KDM4C: variants seen among roughly 807,000 people sequenced by gnomAD.
KDM4C encodes the protein lysine-specific demethylase 4C.
In KDM4C, 81 loss-of-function variants were observed where a neutral mutation model predicts 129.3. The observed-to-expected ratio is 0.63, with a 90% CI of 0.52 to 0.75. The LOEUF is 0.75. Ranked by LOEUF, KDM4C falls within the 30% of genes least tolerant of loss-of-function variation. The pLI, the probability that KDM4C is intolerant of heterozygous loss-of-function variation, is 0.00. For missense variants in KDM4C, 1,457 were observed against 1,304.0 expected (o/e 1.12, Z -1.81); for synonymous variants, 573 against 456.1 (o/e 1.26, Z -3.26).
chr9:7,150,554 C>T (rs554552655), intron 19 of KDM4C, among the ~76,000 whole-genome samples: 4 of 152,226 alleles, frequency 2.6e-5, no homozygotes, highest in South Asian at 4.2e-4. Flanking sequence ...TCTGTTTTCT[C>T]AGTGCTGAGC....
intron 17 of KDM4C, among the ~76,000 whole-genome samples, chr9:7,087,516 A>G (rs1374720541): frequency 6.6e-6 from 1 of 152,158 alleles, no homozygotes; most frequent in Non-Finnish European, 1.5e-5. Flanking sequence ...TAAAACTTAG[A>G]GTCTTGTCAT....
rs372874408 is a variant in KDM4C at position 7,078,953 on chromosome 9, GT to G, written c.2425-24727del. Reference sequence around the variant, plus strand: ...AGTTTGCTTATACATCAGTGCCCAGGTTTTTATTGAGGGCTGATCACATAGG... The same window carrying G: ...AGTTTGCTTATACATCAGTGCCCAGGTTTTATTGAGGGCTGATCACATAGG... On this transcript the variant is annotated intron_variant, in intron 17 of 21. Transcript: ENST00000381309. Among the ~76,000 whole-genome samples the G allele has an allele frequency of 1.6e-3, 242 of 152,288 alleles. 1 individual carries two copies. The highest frequency in any genetic ancestry group is 4.8e-3 in the African/African-American group (198 of 41,572).
chr9:7,155,809 C>G (rs1253783648), intron 19 of KDM4C, among the ~76,000 whole-genome samples: 1 of 152,188 alleles, frequency 6.6e-6, no homozygotes, highest in Non-Finnish European at 1.5e-5. Flanking sequence ...AATAGTGTGG[C>G]AATAAACATA....
intron 3 of KDM4C, among the ~76,000 whole-genome samples, chr9:6,807,530 C>T (rs1433366312): frequency 1.8e-4 from 26 of 148,062 alleles, no homozygotes; most frequent in African/African-American, 6.0e-4. Flanking sequence ...GCCTCTGCCC[C>T]GCCGCCCCAT....
intron 18 of KDM4C, among the ~76,000 whole-genome samples, chr9:7,106,355 C>T (rs1837685900): frequency 6.6e-6 from 1 of 152,172 alleles, no homozygotes; most frequent in Non-Finnish European, 1.5e-5. Context: ...GTGTTCTCAA[C>T]CATGCATTGA....
At chr9:7,089,241 T>C (rs1158759229) in intron 17 of KDM4C, among the ~76,000 whole-genome samples, 2 of 143,452 alleles carry the variant, frequency 1.4e-5, no homozygotes, top group Non-Finnish European at 3.1e-5. Context: ...CACAGGTGTA[T>C]TTTATTTTAT....
At chr9:7,155,286 C>T (rs1843048910) in intron 19 of KDM4C, among the ~76,000 whole-genome samples, 1 of 152,146 alleles carries the variant, frequency 6.6e-6, no homozygotes, top group East Asian at 1.9e-4. Context: ...CAAGTTGTTG[C>T]ATTTCATAAA....
chr9:7,109,398 A>C (rs1320050410), intron 18 of KDM4C, among the ~76,000 whole-genome samples: 1 of 152,166 alleles, frequency 6.6e-6, no homozygotes, highest in Non-Finnish European at 1.5e-5. Flanking sequence ...ATCTCTCTCC[A>C]ACTTTCTAGA....
At position 6,792,439 on chromosome 9, in the gene KDM4C, A is replaced by G. The variant is rs112859028; in HGVS notation, c.-17-533A>G. On this transcript the variant is annotated intron_variant, in intron 1 of 21. Coordinates refer to ENST00000381309, the MANE Select transcript of KDM4C (RefSeq NM_015061.6). ...AGTCTCACCCTGTCACCCAGGCTGG[A>G]GTGCAGTGGCGAGATCTTGGCTCAC... Among the ~76,000 whole-genome samples, 365 of 152,000 alleles carry G rather than the reference A, an allele frequency of 2.4e-3. 1 individual carries two copies. Among genetic ancestry groups the G allele is most frequent in the African/African-American group, 8.5e-3 (352 of 41,462 alleles).
At chr9:6,830,698 C>A (rs2131311865) in intron 4 of KDM4C, among the ~76,000 whole-genome samples, 2 of 152,162 alleles carry the variant, frequency 1.3e-5, no homozygotes, top group Middle Eastern at 3.4e-3. Context: ...TGTGTATGAT[C>A]CAGAATTTTA....
At chr9:6,999,119 GAGTT>G (rs1241940993) in intron 12 of KDM4C, among the ~76,000 whole-genome samples, 1 of 152,212 alleles carries the variant, frequency 6.6e-6, no homozygotes, top group African/African-American at 2.4e-5. Flanking sequence ...AGAAATCAAA[GAGTT>G]AGAATTTAGA....
At chr9:6,725,722 T>C (rs1428953305) in intron 1 of KDM4C, among the ~76,000 whole-genome samples, 1 of 148,780 alleles carries the variant, frequency 6.7e-6, no homozygotes, top group Non-Finnish European at 1.5e-5. Flanking sequence ...TTTTTTTTTT[T>C]TTTTTGAGAC....
intron 1 of KDM4C, among the ~76,000 whole-genome samples, chr9:6,743,167 A>G (rs905851970): frequency 2.0e-5 from 3 of 152,176 alleles, no homozygotes; most frequent in African/African-American, 7.2e-5. Flanking sequence ...ACTAAACAAT[A>G]CAGCTGCTAG....
intron 17 of KDM4C, among the ~76,000 whole-genome samples, chr9:7,051,189 G>A (rs1348204987): frequency 1.3e-5 from 2 of 152,170 alleles, no homozygotes; most frequent in Non-Finnish European, 2.9e-5. Context: ...CAAAATGCTT[G>A]TAGTAGTTAT....
chr9:6,919,787 C>G (rs1821137793), intron 8 of KDM4C, among the ~76,000 whole-genome samples: 1 of 152,046 alleles, frequency 6.6e-6, no homozygotes, highest in Non-Finnish European at 1.5e-5. Context: ...GTTGGCCAGA[C>G]TGGTCTTGAA....
chr9:6,984,157 T>C lies in KDM4C; in HGVS notation c.1116-9T>C. ...ATCCCGCTCTGACCACTGCTTCTCT[T>C]GTTGACAGCTTCCAGTGTGCTAGGT... On this transcript the variant is annotated splice_polypyrimidine_tract_variant and intron_variant, in intron 9 of 21. Transcript: ENST00000381309. The C allele has an allele frequency of 2.5e-6, 4 of 1,592,396 alleles. No individual in the cohort carries two copies. Among genetic ancestry groups the C allele is most frequent in the Non-Finnish European group, 3.4e-6 (4 of 1,160,752 alleles).
chr9:6,863,237 A>T (rs1420598993), intron 5 of KDM4C, among the ~76,000 whole-genome samples: 1 of 151,698 alleles, frequency 6.6e-6, no homozygotes, highest in East Asian at 1.9e-4. Flanking sequence ...GCTTTTTAGT[A>T]GGTTGCTGTA....
At chr9:6,743,987 A>C (rs968987705) in intron 1 of KDM4C, among the ~76,000 whole-genome samples, 4 of 151,552 alleles carry the variant, frequency 2.6e-5, no homozygotes, top group Non-Finnish European at 5.9e-5. Context: ...GGCTCAAACA[A>C]TCCTCCCACC....
chr9:6,845,997 A>G (rs1271039778), intron 4 of KDM4C, among the ~76,000 whole-genome samples: 2 of 152,178 alleles, frequency 1.3e-5, no homozygotes, highest in Non-Finnish European at 1.5e-5. Context: ...CTGCTTTTAC[A>G]CTAAATCATT....
Sources: gnomAD v4.1 joint callset for allele counts (sites outside exome capture counted in the v4.1 genomes callset) on GRCh38, gnomAD v4.1.1 for gene constraint, MANE v1.5 for transcripts, NCBI Gene and HGNC (gene_info 2026-07-23, HGNC 2026-07-21) for gene names.